The following OTOG variants were observed in gnomAD, a reference collection of about 807,000 sequenced individuals.
OTOG encodes the protein otogelin.
A neutral mutation model predicts 313.8 loss-of-function variants in OTOG; 296 were observed. That is an observed-to-expected ratio of 0.94 (90% CI 0.86 to 1.04). The LOEUF (loss-of-function observed/expected upper bound fraction) is 1.04. Ranked by LOEUF, OTOG falls within the 50% of genes least tolerant of loss-of-function variation. The pLI, the probability that OTOG is intolerant of heterozygous loss-of-function variation, is 0.00. For missense variants in OTOG, 3,948 were observed against 3,840.1 expected (o/e 1.03, Z -0.74); for synonymous variants, 1,533 against 1,554.9 (o/e 0.99, Z 0.33).
At chr11:17,578,063 G>A (rs1243209631) in intron 22 of OTOG, among the ~76,000 whole-genome samples, 1 of 152,148 alleles carries the variant, frequency 6.6e-6, no homozygotes, top group Non-Finnish European at 1.5e-5. Flanking sequence ...GAAAATGGGG[G>A]ACAATAATAC....
chr11:17,613,249 TTCTTTCTTTCTTTCTTTCTC>T (rs1853631050), intron 38 of OTOG, among the ~76,000 whole-genome samples: 2 of 116,628 alleles, frequency 1.7e-5, no homozygotes, highest in African/African-American at 8.2e-5. Context: ...CTTTCTTTCT[TTCTTTCTTTCTTTCTTTCTC>T]TCTCTGTCTG....
intron 13 of OTOG, 94 bp downstream of exon 13, chr11:17,560,911 G>T: frequency 8.0e-7 from 1 of 1,244,504 alleles, no homozygotes; most frequent in South Asian, 1.3e-5. Flanking sequence ...GGCTGGCGTC[G>T]GGGCACTCAC....
At chr11:17,632,500 T>C (rs1167591396) in intron 42 of OTOG, among the ~76,000 whole-genome samples, 2 of 152,186 alleles carry the variant, frequency 1.3e-5, no homozygotes, top group African/African-American at 4.8e-5. Flanking sequence ...ATTTTAGTAT[T>C]TGCTTTCTTT....
In OTOG at chr11:17,608,282, A is replaced by G. The variant is rs1222756713; in HGVS notation, c.4157-14A>G. 8 of 1,507,006 alleles carry G rather than the reference A, an allele frequency of 5.3e-6. No homozygotes were observed. In the South Asian group the frequency reaches 6.5e-5, roughly 12 times the overall value. 93.4% of individuals were successfully genotyped at this position (1,507,006 alleles called of 1,614,324 possible). The stretch of plus-strand genomic sequence containing the variant: ...TCACCTGACCCAGAGTTGCTGCCCC[A>G]TCTCACTTTCTAGATGCCAAGCCCT... On this transcript the variant is annotated splice_polypyrimidine_tract_variant and intron_variant, in intron 33 of 55. Transcript: ENST00000399397.
intron 49 of OTOG, among the ~76,000 whole-genome samples, chr11:17,640,058 G>C (rs1847938580): frequency 6.6e-6 from 1 of 152,162 alleles, no homozygotes; most frequent in South Asian, 2.1e-4. Flanking sequence ...GATGATGGTG[G>C]TGGTGAAGAT....
chr11:17,559,902 G>GGAAAGA lies in OTOG; in HGVS notation c.1342+240_1342+241insGAAAGA, dbSNP rs1565092305. 9.1e-4 allele frequency among the ~76,000 whole-genome samples: 81 copies of GGAAAGA among 88,904 alleles called. 1 individual carries two copies. Among genetic ancestry groups the GGAAAGA allele is most frequent in the Admixed American group, 6.4e-3 (66 of 10,368 alleles). The allele number at this position is 88,904 out of a possible 152,430, so 58.3% of individuals were successfully genotyped here. ...GAAGGAAGGGAGAGAGGGAGGGAGG[G>GGAAAGA]AGGAAGGAAGGAAAGAAGGAAGGGA... On this transcript the variant is annotated intron_variant, in intron 12 of 55. Transcript: ENST00000399397.
Position 17,550,875 on chromosome 11 carries a change from A to T in OTOG, c.217-1125A>T, listed in dbSNP as rs574875184. 2.4e-3 allele frequency among the ~76,000 whole-genome samples: 370 copies of T among 152,370 alleles called. 4 individuals carry two copies. The highest frequency in any genetic ancestry group is 8.6e-3 in the African/African-American group (358 of 41,588). ...CCAAAATCTGGCTAAGATGTCAGGA[A>T]GACCATGAAGATGAAAGGTGTGAGC... On this transcript the variant is annotated intron_variant, in intron 3 of 55. Transcript: ENST00000399397.
chr11:17,636,592 C>T (rs2133712464), intron 47 of OTOG, among the ~76,000 whole-genome samples: 1 of 152,292 alleles, frequency 6.6e-6, no homozygotes, highest in South Asian at 2.1e-4. Context: ...CTGGCCGCAC[C>T]TGACCAGGAG....
intron 3 of OTOG, among the ~76,000 whole-genome samples, chr11:17,550,309 C>A (rs1565086544): frequency 6.6e-6 from 1 of 152,184 alleles, no homozygotes; most frequent in Admixed American, 6.5e-5. Flanking sequence ...ACAAATATTA[C>A]TAAATTACAC....
intron 4 of OTOG, among the ~76,000 whole-genome samples, chr11:17,552,446 C>T (rs905272085): frequency 1.3e-5 from 2 of 152,042 alleles, no homozygotes; most frequent in Non-Finnish European, 2.9e-5. Flanking sequence ...GTAGCCCCCA[C>T]TCCCTGTCCT....
intron 9 of OTOG, 84 bp downstream of exon 9, chr11:17,558,399 A>T: frequency 6.5e-7 from 1 of 1,529,738 alleles, no homozygotes; most frequent in Non-Finnish European, 8.8e-7. Flanking sequence ...GTGGCACCCC[A>T]GAATGTCTGG....
intron 29 of OTOG, 122 bp downstream of exon 29, chr11:17,596,276 T>G: frequency 1.4e-6 from 1 of 737,626 alleles, no homozygotes; most frequent in East Asian, 2.7e-5. Context: ...AAGATCTGCC[T>G]CTGCCATTCC....
intron 15 of OTOG, among the ~76,000 whole-genome samples, chr11:17,566,386 T>C (rs1852293953): frequency 6.6e-6 from 1 of 152,238 alleles, no homozygotes; most frequent in Non-Finnish European, 1.5e-5. Context: ...CCAAATATTT[T>C]CAATCCATGG....
At chr11:17,638,360 G>A in intron 47 of OTOG, 91 bp from the exon 48 acceptor site, 2 of 1,091,808 alleles carry the variant, frequency 1.8e-6, no homozygotes, top group Non-Finnish European at 2.6e-6. Flanking sequence ...GGAGCTGGGG[G>A]TAGCCTCTCT....
At position 17,608,206 on chromosome 11, in the gene OTOG, C is replaced by A. The variant is rs950420715; in HGVS notation, c.4157-90C>A. Reference sequence around the variant, plus strand: ...CTTTCCCTGCATGGGTCCATTTGTCCCCTCCACAGGATGGGGGGCAGGGCT... The same window carrying A: ...CTTTCCCTGCATGGGTCCATTTGTCACCTCCACAGGATGGGGGGCAGGGCT... On this transcript the variant is annotated intron_variant, in intron 33 of 55. Transcript: ENST00000399397. 24 of 829,082 alleles carry A rather than the reference C, an allele frequency of 2.9e-5. No individual in the cohort carries two copies. The African/African-American group carries it at 3.0e-4, about 10-fold the overall frequency. 51.4% of individuals were successfully genotyped at this position (829,082 alleles called of 1,614,324 possible).
chr11:17,593,174 T>C lies in OTOG; in HGVS notation c.3007-19T>C. ...TCCTTTCTCCCTTGTTTTATTGGAC[T>C]CACTTATTCTCTCCTCAGAGCACAT... On this transcript the variant is annotated intron_variant, in intron 25 of 55. Coordinates refer to ENST00000399397, the MANE Select transcript of OTOG (RefSeq NM_001292063.2). 6.5e-7 allele frequency: 1 copy of C among 1,542,688 alleles called. No homozygotes were observed. Among genetic ancestry groups the C allele is most frequent in the South Asian group, 1.2e-5 (1 of 83,122 alleles).
At chr11:17,628,709 G>A (rs933122920) in intron 39 of OTOG, among the ~76,000 whole-genome samples, 2 of 152,200 alleles carry the variant, frequency 1.3e-5, no homozygotes, top group Admixed American at 6.5e-5. Context: ...CCCAGAGCAG[G>A]GGTATGTAGC....
chr11:17,571,896 G>A (rs921585108), intron 17 of OTOG, among the ~76,000 whole-genome samples, 184 bp from the exon 18 acceptor site: 14 of 152,196 alleles, frequency 9.2e-5, no homozygotes, highest in African/African-American at 3.1e-4. Context: ...TGTTGAGAGT[G>A]TGTGCGTATA....
chr11:17,617,339 T>C (rs1211598917), intron 39 of OTOG, among the ~76,000 whole-genome samples: 1 of 152,212 alleles, frequency 6.6e-6, no homozygotes, highest in African/African-American at 2.4e-5. Context: ...TTGGAAAGTA[T>C]TCTCCCCTTT....
Sources: allele counts gnomAD v4.1 joint callset (sites outside exome capture counted in the v4.1 genomes callset), GRCh38; gene constraint gnomAD v4.1.1; transcripts MANE v1.5; gene names NCBI Gene and HGNC (gene_info 2026-07-23, HGNC 2026-07-21).